The following FLT3 variants were observed in gnomAD, a reference collection of about 807,000 sequenced individuals.
FLT3 encodes the protein fms related receptor tyrosine kinase 3.
FLT3 carries 46 observed loss-of-function variants against 126.6 expected under a neutral mutation model. The ratio of observed to expected loss-of-function variants is 0.36; its 90% CI spans 0.29 to 0.46. The LOEUF (loss-of-function observed/expected upper bound fraction) is 0.46, where lower values mean the gene tolerates loss of function less well. Ranked by LOEUF, FLT3 falls within the 20% of genes least tolerant of loss-of-function variation. The pLI, the probability that FLT3 is intolerant of heterozygous loss-of-function variation, is 1.00. For synonymous variants in FLT3, 404 were observed against 434.4 expected (o/e 0.93, Z 0.87); for missense variants, 1,069 against 1,190.3 (o/e 0.90, Z 1.50).
rs762000524 is a variant in FLT3, at chr13:28,015,621, A to G, written c.2622T>C (p.Tyr874=). 1.1e-4 allele frequency: 175 copies of G among 1,612,514 alleles called. No individual in the cohort carries two copies. Among genetic ancestry groups the G allele is most frequent in the Admixed American group, 8.4e-4 (50 of 59,768 alleles). Residue 874 remains tyrosine, a synonymous_variant, in exon 21 of 24, where the codon TAT becomes TAC. Transcript: ENST00000241453. ...IYTIKSDVWS[Y]GILLWEIFSL... is the part of the protein sequence containing the mutation. ...AGAAGATTTCCCACAGTAATATTCC[A>G]TATGACCAGACATCACTCTTAATGG...
intron 1 of FLT3, among the ~76,000 whole-genome samples, chr13:28,071,500 C>T (rs577982468): frequency 6.6e-6 from 1 of 151,930 alleles, no homozygotes; most frequent in South Asian, 2.1e-4. Flanking sequence ...TTCTTTGATT[C>T]CTTCTCTCCT....
At chr13:28,059,529 A>ATGTCTTACTAAATAATC (rs1451412012) in intron 3 of FLT3, among the ~76,000 whole-genome samples, 1 of 152,262 alleles carries the variant, frequency 6.6e-6, no homozygotes, top group Non-Finnish European at 1.5e-5. Flanking sequence ...AGACAGATCA[A>ATGTCTTACTAAATAATC]TGTCTTACTA....
rs1879724929 is a variant in FLT3 at position 28,100,142 on chromosome 13, C to T, written c.43+326G>A. On this transcript the variant is annotated intron_variant, in intron 1 of 23. Coordinates refer to ENST00000241453, the MANE Select transcript of FLT3 (RefSeq NM_004119.3). This position sits in a 1 kb window ranked among gnomAD's most constrained non-coding sequence, Gnocchi z 4.8. ...ACGGACGGCCCAGCACCCGAGCGCG[C>T]GGGCCGAGCTGCCCCAGACCCGGCG... Among the ~76,000 whole-genome samples the T allele has an allele frequency of 6.6e-6, 1 of 152,108 alleles. No homozygotes were observed. Among genetic ancestry groups the T allele is most frequent in the South Asian group, 2.1e-4 (1 of 4,832 alleles).
chr13:28,056,317 T>C (rs1441485860), intron 4 of FLT3, among the ~76,000 whole-genome samples: 1 of 152,174 alleles, frequency 6.6e-6, no homozygotes, highest in Admixed American at 6.5e-5. Context: ...AGGGCAGTTG[T>C]GGTTACTCCT....
chr13:28,012,100 G>A (rs1871443768), intron 23 of FLT3, among the ~76,000 whole-genome samples: 1 of 152,044 alleles, frequency 6.6e-6, no homozygotes, highest in African/African-American at 2.4e-5. Flanking sequence ...GGCCATGGGG[G>A]CCTGTTTTCT....
chr13:28,100,364 A>AGGAGCGAGGCGGCTGGGC lies in FLT3; in HGVS notation c.43+86_43+103dup. The AGGAGCGAGGCGGCTGGGC allele has an allele frequency of 1.3e-6, 1 of 771,034 alleles. No homozygotes were observed. The highest frequency in any genetic ancestry group is 1.7e-6 in the Non-Finnish European group (1 of 575,414). The allele number at this position is 771,034 out of a possible 1,614,324, so 47.8% of individuals were successfully genotyped here. On this transcript the variant is annotated intron_variant, in intron 1 of 23. Coordinates refer to ENST00000241453, the MANE Select transcript of FLT3 (RefSeq NM_004119.3). The surrounding 1 kb of genome is among the most constrained non-coding windows in gnomAD (Gnocchi z 4.8). ...GGCAATGGAAGGAGCGAGCGCGGGG[A>AGGAGCGAGGCGGCTGGGC]GGAGCGAGGCGGCTGGGCCGGAGGA...
At position 28,024,880 on chromosome 13, in the gene FLT3, C is replaced by G. The variant is rs1387532108; in HGVS notation, c.2271G>C (p.Gly757=). The change falls in exon 18 of 24, where the codon GGG becomes GGC. Residue 757 remains glycine, a synonymous_variant. Transcript: ENST00000241453. ...TATTACCTTCAGAGTGAAATGAATT[C>G]CCATGAAGCCCTGAGATTTGATCCG... The part of the protein sequence containing the change: ...PDSDQISGLH[G]NSFHSEDEIE... 6.2e-7 allele frequency: 1 copy of G among 1,607,436 alleles called. No homozygotes were observed. The highest frequency in any genetic ancestry group is 8.5e-7 in the Non-Finnish European group (1 of 1,175,372).
At chr13:28,066,857 A>T (rs980457806) in intron 2 of FLT3, among the ~76,000 whole-genome samples, 38 of 152,236 alleles carry the variant, frequency 2.5e-4, no homozygotes, top group African/African-American at 8.9e-4. Flanking sequence ...GGATATTTGC[A>T]TCCCCTCCAA....
chr13:28,041,698 G>A (rs7327579), intron 9 of FLT3, among the ~76,000 whole-genome samples: 67,801 of 152,030 alleles, frequency 0.45, 16,958 homozygotes, highest in East Asian at 0.73. Flanking sequence ...ATTCCAAGGG[G>A]ACTAACTAAT....
chr13:28,086,094 A>G (rs769184844), intron 1 of FLT3, among the ~76,000 whole-genome samples: 6 of 152,224 alleles, frequency 3.9e-5, no homozygotes, highest in Non-Finnish European at 7.3e-5. Flanking sequence ...AAGTATTGAC[A>G]TGATCAGATT....
At chr13:28,015,404 C>T in intron 21 of FLT3, 148 bp from the exon 22 acceptor site, 2 of 735,076 alleles carry the variant, frequency 2.7e-6, no homozygotes, top group Non-Finnish European at 4.8e-6. Context: ...AGTCACGGTT[C>T]ACGCTCTCAA....
At position 28,035,656 on chromosome 13, in the gene FLT3, G is replaced by A. The variant is rs1348821828; in HGVS notation, c.1436C>T (p.Thr479Ile). Residue 479 changes from threonine to isoleucine, a missense_variant, in exon 12 of 24, where the codon ACA becomes ATA. Thr to Ile is a moderately conservative substitution (Grantham distance 89, BLOSUM62 -1). Coordinates refer to ENST00000241453, the MANE Select transcript of FLT3 (RefSeq NM_004119.3). ...AGCCTTTCTATTCCAGACTCCTTCT[G>A]TGATCTCTTCTGTGCAGCTGAAAAA... Reference protein sequence around the residue: ...DKSPNCTEEITEGVWNRKANR... With the variant: ...DKSPNCTEEIIEGVWNRKANR... The A allele has an allele frequency of 6.2e-7, 1 of 1,613,362 alleles. No homozygotes were observed. The highest frequency in any genetic ancestry group is 8.5e-7 in the Non-Finnish European group (1 of 1,179,850).
chr13:28,096,697 G>T (rs1354710270), intron 1 of FLT3, among the ~76,000 whole-genome samples: 1 of 152,096 alleles, frequency 6.6e-6, no homozygotes, highest in Non-Finnish European at 1.5e-5. Flanking sequence ...CTCCCAAAGT[G>T]CTGGGATTAC....
chr13:28,010,511 T>G (rs17086212), intron 23 of FLT3, among the ~76,000 whole-genome samples: 1 of 152,182 alleles, frequency 6.6e-6, no homozygotes, highest in South Asian at 2.1e-4. Context: ...GAAGCATGTT[T>G]GTCCATCCTA....
At chr13:28,046,253 G>A (rs913855802) in intron 9 of FLT3, among the ~76,000 whole-genome samples, 1 of 152,194 alleles carries the variant, frequency 6.6e-6, no homozygotes, top group African/African-American at 2.4e-5. Flanking sequence ...GTAAGAGACA[G>A]TAGACAACTC....
intron 1 of FLT3, among the ~76,000 whole-genome samples, chr13:28,081,912 A>G (rs1343629649): frequency 7.3e-6 from 1 of 136,330 alleles, no homozygotes; most frequent in Non-Finnish European, 1.5e-5. Flanking sequence ...GCTGGAGTAC[A>G]ATGGTGCGAT....
chr13:28,091,352 G>A (rs1284917234), intron 1 of FLT3, among the ~76,000 whole-genome samples: 1 of 147,970 alleles, frequency 6.8e-6, no homozygotes, highest in Non-Finnish European at 1.5e-5. Flanking sequence ...CTCCCGAGTA[G>A]CTGGGACTAC....
intron 18 of FLT3, 109 bp downstream of exon 18, chr13:28,024,752 A>G (rs1023443475): frequency 4.6e-5 from 35 of 759,554 alleles, no homozygotes; most frequent in Non-Finnish European, 7.2e-5. Context: ...TCTGACAATT[A>G]GCAAATTTTA....
intron 2 of FLT3, among the ~76,000 whole-genome samples, chr13:28,062,760 G>T (rs199646778): frequency 5.4e-5 from 2 of 37,178 alleles, no homozygotes; most frequent in African/African-American, 1.8e-4. Context: ...AAAAAAAAAA[G>T]AGGAGATTTG....
Sources: gnomAD v4.1 joint callset for allele counts (sites outside exome capture counted in the v4.1 genomes callset) on GRCh38, gnomAD v4.1.1 for gene constraint, Gnocchi (gnomAD v3.1) non-coding constraint, MANE v1.5 for transcripts, NCBI Gene and HGNC (gene_info 2026-07-23, HGNC 2026-07-21) for gene names.